The following GABRB3 variants were observed in gnomAD, a reference collection of about 807,000 sequenced individuals.
The protein encoded by GABRB3 is gamma-aminobutyric acid receptor subunit beta-3.
GABRB3 carries 14 observed loss-of-function variants against 52.1 expected under a neutral mutation model. The observed-to-expected ratio is 0.27, with a 90% CI of 0.18 to 0.42. The LOEUF (loss-of-function observed/expected upper bound fraction) is 0.42. Ranked by LOEUF, GABRB3 falls within the 10% of genes least tolerant of loss-of-function variation. The probability of loss-of-function intolerance (pLI) is 1.00; values close to 1 mark genes in which losing one functional copy is unlikely to be tolerated. For missense variants in GABRB3, 307 were observed against 609.1 expected (o/e 0.50, Z 5.22); for synonymous variants, 260 against 232.3 (o/e 1.12, Z -1.08).
chr15:26,685,028 T>C (rs1482248498), intron 3 of GABRB3, among the ~76,000 whole-genome samples: 1 of 152,078 alleles, frequency 6.6e-6, no homozygotes, highest in Non-Finnish European at 1.5e-5. Flanking sequence ...TAAAGCAAAG[T>C]GTGATAAAGT....
At chr15:26,594,001 T>TAA (rs1167761822) in intron 4 of GABRB3, among the ~76,000 whole-genome samples, 3 of 136,860 alleles carry the variant, frequency 2.2e-5, no homozygotes, top group African/African-American at 8.2e-5. Flanking sequence ...TATATATATA[T>TAA]ATAATAGCCA....
chr15:26,723,123 G>A (rs1189006272), intron 3 of GABRB3, among the ~76,000 whole-genome samples: 1 of 152,170 alleles, frequency 6.6e-6, no homozygotes, highest in Admixed American at 6.5e-5. Flanking sequence ...TAAGGGTAGA[G>A]GTCCTGAAGT....
At chr15:26,624,760 C>T (rs1005244983) in intron 3 of GABRB3, 1 of 985,472 alleles carries the variant, frequency 1.0e-6, no homozygotes, top group Non-Finnish European at 1.2e-6. Flanking sequence ...TTCTGGGATA[C>T]TTACTAGCTG....
intron 4 of GABRB3, among the ~76,000 whole-genome samples, chr15:26,588,400 A>G (rs1323706616): frequency 6.6e-6 from 1 of 152,192 alleles, no homozygotes; most frequent in Non-Finnish European, 1.5e-5. Context: ...ACCATATTAT[A>G]GAGGTATTGT....
At chr15:26,587,010 G>A (rs1001605738) in intron 4 of GABRB3, among the ~76,000 whole-genome samples, 2 of 152,112 alleles carry the variant, frequency 1.3e-5, no homozygotes, top group Admixed American at 1.3e-4. Context: ...GTAGAGTATT[G>A]TACATTTCAA....
intron 4 of GABRB3, among the ~76,000 whole-genome samples, chr15:26,618,211 A>G (rs1892335942): frequency 2.6e-5 from 4 of 152,136 alleles, no homozygotes; most frequent in African/African-American, 9.7e-5. Context: ...TCGCCAAGTC[A>G]ATCCTAAGCC....
At chr15:26,564,979 T>C (rs1018845278) in intron 7 of GABRB3, among the ~76,000 whole-genome samples, 3 of 152,214 alleles carry the variant, frequency 2.0e-5, no homozygotes, top group Non-Finnish European at 2.9e-5. Flanking sequence ...TTGGTAATTA[T>C]ATGACTTCGT....
chr15:26,741,864 C>T (rs1225311973), intron 3 of GABRB3, among the ~76,000 whole-genome samples: 2 of 152,162 alleles, frequency 1.3e-5, no homozygotes, highest in Admixed American at 1.3e-4. Flanking sequence ...CCTGCCTTGG[C>T]CCTCCTCACT....
chr15:26,609,083 TACACACACACACACACACATACAC>T (rs1414808982), intron 4 of GABRB3, among the ~76,000 whole-genome samples: 10 of 143,630 alleles, frequency 7.0e-5, no homozygotes, highest in African/African-American at 2.6e-4. Flanking sequence ...TTTTTAATGA[TACACACACACACACACACATACAC>T]ACACACACAC....
rs1323167647 is a variant in GABRB3, at chr15:26,544,227, T to TA, written c.*3565dup. ...GATTCAAAGTTGGACACATTCTTGT[T>TA]AGAATACACCAATGGTGGGACAAAC... On this transcript the variant is annotated 3_prime_UTR_variant, in exon 9 of 9. Coordinates refer to ENST00000311550, the MANE Select transcript of GABRB3 (RefSeq NM_000814.6). 2 of 152,626 alleles carry TA rather than the reference T, an allele frequency of 1.3e-5. No homozygotes were observed. Among genetic ancestry groups the TA allele is most frequent in the African/African-American group, 4.8e-5 (2 of 41,444 alleles). The allele number at this position is 152,626 out of a possible 1,614,324, so 9.5% of individuals were successfully genotyped here. A position where few individuals can be genotyped will look rare whatever the true frequency, so the allele number is the denominator to read the frequency against.
At chr15:26,665,209 T>A (rs938903247) in intron 3 of GABRB3, among the ~76,000 whole-genome samples, 8 of 152,240 alleles carry the variant, frequency 5.3e-5, no homozygotes, top group African/African-American at 1.9e-4. Context: ...TCCATCTGTA[T>A]GTTTCTACCT....
At chr15:26,630,303 T>C (rs1720905331) in intron 3 of GABRB3, among the ~76,000 whole-genome samples, 1 of 152,124 alleles carries the variant, frequency 6.6e-6, no homozygotes, top group Admixed American at 6.5e-5. Context: ...CGTGACAGGT[T>C]CCTGTGGACA....
At chr15:26,680,539 C>T (rs1274176337) in intron 3 of GABRB3, among the ~76,000 whole-genome samples, 1 of 106,952 alleles carries the variant, frequency 9.3e-6, no homozygotes, top group African/African-American at 3.2e-5. Flanking sequence ...CACATGGGAA[C>T]ACTGTTCGAT....
At chr15:26,763,965 G>A (rs1201357635) in intron 3 of GABRB3, among the ~76,000 whole-genome samples, 1 of 151,286 alleles carries the variant, frequency 6.6e-6, no homozygotes, top group Non-Finnish European at 1.5e-5. Flanking sequence ...GGCCAACATG[G>A]TGAAACCCCG....
Position 26,714,984 on chromosome 15 carries a change from C to T in GABRB3, c.240+57418G>A, listed in dbSNP as rs148936243. Reference sequence around the variant, plus strand: ...GATAAAGCACATCCCAAAAAAGCCACGTGCAAAAAAATTACAAAGCCACAT... The same window carrying T: ...GATAAAGCACATCCCAAAAAAGCCATGTGCAAAAAAATTACAAAGCCACAT... On this transcript the variant is annotated intron_variant, in intron 3 of 8. Transcript: ENST00000311550. Among the ~76,000 whole-genome samples the T allele has an allele frequency of 3.7e-3, 557 of 152,150 alleles. 6 individuals are homozygous for T. Among genetic ancestry groups the T allele is most frequent in the African/African-American group, 0.012 (493 of 41,514 alleles).
intron 6 of GABRB3, among the ~76,000 whole-genome samples, chr15:26,570,720 T>TA (rs1383552140): frequency 6.6e-6 from 1 of 152,222 alleles, no homozygotes; most frequent in Non-Finnish European, 1.5e-5. Flanking sequence ...TTTCCTTATC[T>TA]ATACCTCAAG....
chr15:26,599,013 C>T (rs1270509228), intron 4 of GABRB3, among the ~76,000 whole-genome samples: 1 of 152,012 alleles, frequency 6.6e-6, no homozygotes, highest in Non-Finnish European at 1.5e-5. Flanking sequence ...AGACTCCCAC[C>T]TCTGCACATT....
rs1277425592 is a variant in GABRB3 at position 26,550,523 on chromosome 15, C to G, written c.1081-2389G>C. 3.3e-5 allele frequency among the ~76,000 whole-genome samples: 5 copies of G among 152,180 alleles called. No individual in the cohort carries two copies. In the East Asian group the frequency reaches 9.6e-4, roughly 29 times the overall value. ...TGGCAAGACAGCCAAGAAATAGGAT[C>G]TCTTAAACACCATTGGTGGGAATAT... is the stretch of plus-strand genomic sequence containing the variant. On this transcript the variant is annotated intron_variant, in intron 8 of 8. Coordinates refer to ENST00000311550, the MANE Select transcript of GABRB3 (RefSeq NM_000814.6).
At chr15:26,617,731 GT>G (rs1363649992) in intron 4 of GABRB3, among the ~76,000 whole-genome samples, 1 of 152,088 alleles carries the variant, frequency 6.6e-6, no homozygotes, top group African/African-American at 2.4e-5. Flanking sequence ...AATTGTCCCT[GT>G]TTGCAGACGA....
Sources: allele counts gnomAD v4.1 joint callset (sites outside exome capture counted in the v4.1 genomes callset), GRCh38; gene constraint gnomAD v4.1.1; transcripts MANE v1.5; gene names NCBI Gene and HGNC (gene_info 2026-07-23, HGNC 2026-07-21).